CFAP221: variants seen among roughly 807,000 people sequenced by gnomAD.
CFAP221 encodes cilia- and flagella-associated protein 221.
CFAP221 carries 97 observed loss-of-function variants against 113.1 expected under a neutral mutation model. The observed-to-expected ratio is 0.86, with a 90% CI of 0.73 to 1.02. The LOEUF is 1.02. Ranked by LOEUF, CFAP221 falls within the 50% of genes least tolerant of loss-of-function variation. The pLI, the probability that CFAP221 is intolerant of heterozygous loss-of-function variation, is 0.00. For synonymous variants in CFAP221, 331 were observed against 354.4 expected, an observed-to-expected ratio of 0.93 and a Z score of 0.74; for missense variants, 1,025 against 1,013.4, an observed-to-expected ratio of 1.01 and a Z score of -0.16.
intron 6 of CFAP221, among the ~76,000 whole-genome samples, chr2:119,581,318 T>C (rs972363980): frequency 6.2e-4 from 94 of 152,342 alleles, no homozygotes; most frequent in African/African-American, 2.2e-3. Context: ...ACTTCCATTT[T>C]AAAATGTCAA....
In CFAP221 at chr2:119,552,342, T is replaced by C. The variant is rs184414285; in HGVS notation, c.240+3157T>C. ...AGAAATAAATAGAAATATTTCTTTC[T>C]TTAATAAGAAATAAATAGAAATATT... is the stretch of plus-strand genomic sequence containing the variant. On this transcript the variant is annotated intron_variant, in intron 3 of 23. Coordinates refer to ENST00000413369, the MANE Select transcript of CFAP221 (RefSeq NM_001271049.2). 8.2e-3 allele frequency among the ~76,000 whole-genome samples: 1,145 copies of C among 139,764 alleles called. 6 individuals carry two copies. Among genetic ancestry groups the C allele is most frequent in the Non-Finnish European group, 0.014 (916 of 64,344 alleles). The allele number at this position is 139,764 out of a possible 152,430, so 91.7% of individuals were successfully genotyped here.
chr2:119,610,077 G>T (rs765498642), intron 12 of CFAP221, among the ~76,000 whole-genome samples: 9 of 152,176 alleles, frequency 5.9e-5, no homozygotes, highest in Non-Finnish European at 1.0e-4. Flanking sequence ...CCCAACAGTG[G>T]AATGCTGTTT....
At position 119,628,113 on chromosome 2, in the gene CFAP221, G is replaced by C. The variant is rs1341398841; in HGVS notation, c.1650+327G>C. On this transcript the variant is annotated intron_variant, in intron 16 of 23. Coordinates refer to ENST00000413369, the MANE Select transcript of CFAP221 (RefSeq NM_001271049.2). ...GAGAGGAACCGAGAGGGCCCCACCTGGCCCAGGGAGGCAGGCTCTGCTCAG... is the reference window on the plus strand; with the variant it reads ...GAGAGGAACCGAGAGGGCCCCACCTCGCCCAGGGAGGCAGGCTCTGCTCAG... Among the ~76,000 whole-genome samples the C allele has an allele frequency of 2.6e-5, 4 of 152,296 alleles. No homozygotes were observed. In the East Asian group the frequency reaches 7.7e-4, roughly 29 times the overall value.
intron 6 of CFAP221, among the ~76,000 whole-genome samples, chr2:119,569,410 A>AC (rs144487065): frequency 0.19 from 28,781 of 151,824 alleles, 2,907 homozygotes; most frequent in African/African-American, 0.25. Flanking sequence ...GAGCCACCGC[A>AC]CCGGCCTTCT....
At chr2:119,628,419 A>C (rs1387190488) in intron 16 of CFAP221, among the ~76,000 whole-genome samples, 1 of 151,960 alleles carries the variant, frequency 6.6e-6, no homozygotes, top group Admixed American at 6.6e-5. Context: ...AAAAAGTGAG[A>C]GTTAACCCTT....
intron 20 of CFAP221, 96 bp from the exon 21 acceptor site, chr2:119,639,685 C>T: frequency 1.0e-6 from 1 of 954,944 alleles, no homozygotes; most frequent in East Asian, 2.5e-5. Flanking sequence ...TGGTGCTTAG[C>T]CTTTTAAGTC....
At chr2:119,606,715 G>T (rs1266721940) in intron 11 of CFAP221, among the ~76,000 whole-genome samples, 2 of 152,150 alleles carry the variant, frequency 1.3e-5, no homozygotes, top group African/African-American at 2.4e-5. Flanking sequence ...TGGTGTTTTT[G>T]TTCTTTCTAT....
At chr2:119,617,700 G>A (rs993198895) in intron 14 of CFAP221, among the ~76,000 whole-genome samples, 3 of 152,166 alleles carry the variant, frequency 2.0e-5, no homozygotes, top group African/African-American at 4.8e-5. Context: ...CCTGGACCAT[G>A]GCCACAGGTT....
chr2:119,643,767 A>T (rs988143716), intron 21 of CFAP221, among the ~76,000 whole-genome samples: 1 of 151,774 alleles, frequency 6.6e-6, no homozygotes, highest in Non-Finnish European at 1.5e-5. Context: ...TTGGTCTCGA[A>T]CTCCTGACCT....
intron 6 of CFAP221, among the ~76,000 whole-genome samples, chr2:119,563,791 C>T (rs1184340905): frequency 1.3e-5 from 2 of 152,238 alleles, no homozygotes; most frequent in African/African-American, 4.8e-5. Flanking sequence ...CAATTAATCA[C>T]TCCAGTTGCT....
At chr2:119,604,315 T>TC (rs1323888580) in intron 8 of CFAP221, among the ~76,000 whole-genome samples, 1 of 151,988 alleles carries the variant, frequency 6.6e-6, no homozygotes, top group Non-Finnish European at 1.5e-5. Context: ...ACGCATGTAG[T>TC]CCCAGGTATG....
intron 10 of CFAP221, 50 bp from the exon 11 acceptor site, chr2:119,605,131 A>G: frequency 6.5e-7 from 1 of 1,536,748 alleles, no homozygotes. Context: ...CTCTCCGCAC[A>G]TGATTTTAAT....
At position 119,601,326 on chromosome 2, in the gene CFAP221, A is replaced by C; in HGVS notation, c.740A>C (p.Gln247Pro). ...TTATGGATTTCGCAGTTCAACTCTC[A>C]ACCATACGAATGTGTCTTCACCGGA... ...MQLWISQFNS[Q>P]PYECVFTGTC... The change falls in exon 8 of 24, where the codon CAA (glutamine) becomes CCA (proline). Residue 247 changes from glutamine to proline, a missense_variant. Transcript: ENST00000413369. The C allele has an allele frequency of 6.5e-7, 1 of 1,535,494 alleles. No individual in the cohort carries two copies. The highest frequency in any genetic ancestry group is 8.7e-7 in the Non-Finnish European group (1 of 1,146,536).
chr2:119,613,686 C>T (rs1388790532), intron 13 of CFAP221, among the ~76,000 whole-genome samples: 1 of 152,172 alleles, frequency 6.6e-6, no homozygotes, highest in Non-Finnish European at 1.5e-5. Flanking sequence ...TTTTTCCCTC[C>T]TAGGTCTCCA....
chr2:119,547,124 T>G (rs1284537791), intron 2 of CFAP221, among the ~76,000 whole-genome samples: 1 of 152,208 alleles, frequency 6.6e-6, no homozygotes, highest in African/African-American at 2.4e-5. Flanking sequence ...GACATAATAG[T>G]GTATTTGGAT....
downstream of CFAP221, among the ~76,000 whole-genome samples, chr2:119,658,591 A>G (rs1336054994): frequency 6.6e-6 from 1 of 151,922 alleles, no homozygotes; most frequent in East Asian, 1.9e-4. Context: ...AGAAAATACA[A>G]GTATTTATAC....
chr2:119,633,289 G>A (rs1686905836), intron 19 of CFAP221, among the ~76,000 whole-genome samples: 1 of 151,130 alleles, frequency 6.6e-6, no homozygotes, highest in Non-Finnish European at 1.5e-5. Flanking sequence ...AAATCTTTGT[G>A]ATCTTCAATT....
chr2:119,644,653 A>C (rs1309368347), intron 21 of CFAP221, among the ~76,000 whole-genome samples: 1 of 152,156 alleles, frequency 6.6e-6, no homozygotes, highest in Non-Finnish European at 1.5e-5. Context: ...CAGCAGACAA[A>C]GTCAGGGATA....
chr2:119,599,513 A>G (rs12373810), intron 7 of CFAP221, among the ~76,000 whole-genome samples: 30,990 of 152,122 alleles, frequency 0.2, 3,572 homozygotes, highest in South Asian at 0.29. Context: ...TGGTAAATGC[A>G]ATAATTTCCG....
Sources: gnomAD v4.1 joint callset for allele counts (sites outside exome capture counted in the v4.1 genomes callset) on GRCh38, gnomAD v4.1.1 for gene constraint, MANE v1.5 for transcripts, NCBI Gene and HGNC (gene_info 2026-07-23, HGNC 2026-07-21) for gene names.